Variants in LUZP2 observed in about 807,000 individuals in gnomAD.
The protein encoded by LUZP2 is leucine zipper protein 2.
A neutral mutation model predicts 51.6 loss-of-function variants in LUZP2; 52 were observed. The observed-to-expected ratio is 1.01, with a 90% CI of 0.81 to 1.27. LUZP2 has a LOEUF of 1.27. LUZP2 is among the 50% of genes most tolerant of loss of function. The pLI is 0.00. For synonymous variants in LUZP2, 154 were observed against 137.3 expected (o/e 1.12, Z -0.85); for missense variants, 436 against 395.4 (o/e 1.10, Z -0.87).
At chr11:24,704,229 G>C (rs1857501445) in intron 1 of LUZP2, among the ~76,000 whole-genome samples, 1 of 151,910 alleles carries the variant, frequency 6.6e-6, no homozygotes, top group Non-Finnish European at 1.5e-5. Flanking sequence ...AACATGAAAT[G>C]GTCATTTTTG....
intron 9 of LUZP2, among the ~76,000 whole-genome samples, chr11:25,004,753 G>T (rs527782530): frequency 6.6e-6 from 1 of 152,266 alleles, no homozygotes; most frequent in South Asian, 2.1e-4. Context: ...GTCAACAGAA[G>T]TTTACAACTC....
chr11:24,739,647 AAC>A (rs1859063362), intron 4 of LUZP2, among the ~76,000 whole-genome samples: 1 of 152,096 alleles, frequency 6.6e-6, no homozygotes, highest in East Asian at 1.9e-4. Flanking sequence ...AGGCTCTCTA[AAC>A]ACAGTCAGCC....
intron 4 of LUZP2, among the ~76,000 whole-genome samples, chr11:24,752,272 G>T (rs1394369075): frequency 6.6e-6 from 1 of 152,140 alleles, no homozygotes; most frequent in Admixed American, 6.6e-5. Flanking sequence ...GCAATAATCA[G>T]ATAGATATCA....
chr11:24,954,675 A>T (rs1855166956), intron 7 of LUZP2, among the ~76,000 whole-genome samples: 1 of 152,060 alleles, frequency 6.6e-6, no homozygotes, highest in Non-Finnish European at 1.5e-5. Context: ...GAAACCTGCC[A>T]ATACAGGAAA....
At chr11:24,809,680 T>A (rs1333305548) in intron 5 of LUZP2, among the ~76,000 whole-genome samples, 1 of 152,190 alleles carries the variant, frequency 6.6e-6, no homozygotes, top group Non-Finnish European at 1.5e-5. Context: ...AAAATGTTTT[T>A]AAATAACATT....
Position 24,624,190 on chromosome 11 carries a change from G to A in LUZP2, c.63-104979G>A, listed in dbSNP as rs545261603. On this transcript the variant is annotated intron_variant, in intron 1 of 11. Coordinates refer to ENST00000336930, the MANE Select transcript of LUZP2 (RefSeq NM_001009909.4). ...GTATAAGAAAAATACTAATCACAATGCCAGAATTTCAGACTTAATAACATG... is the reference window on the plus strand; with the variant it reads ...GTATAAGAAAAATACTAATCACAATACCAGAATTTCAGACTTAATAACATG... Among the ~76,000 whole-genome samples, 4 of 152,228 alleles carry A rather than the reference G, an allele frequency of 2.6e-5. No individual in the cohort carries two copies. In the South Asian group the frequency reaches 8.3e-4, roughly 32 times the overall value.
At chr11:25,028,961 A>C (rs2133986633) in intron 9 of LUZP2, among the ~76,000 whole-genome samples, 1 of 152,352 alleles carries the variant, frequency 6.6e-6, no homozygotes, top group Non-Finnish European at 1.5e-5. Context: ...AAGATCATTA[A>C]GTGAAATAAG....
At chr11:24,522,735 C>T (rs1264952073) in intron 1 of LUZP2, among the ~76,000 whole-genome samples, 2 of 151,916 alleles carry the variant, frequency 1.3e-5, no homozygotes, top group East Asian at 3.9e-4. Context: ...GTCTTTTTGA[C>T]AATAAGAAAC....
At chr11:24,950,475 G>A (rs11827642) in intron 7 of LUZP2, among the ~76,000 whole-genome samples, 1,682 of 151,628 alleles carry the variant, frequency 0.011, 32 homozygotes, top group African/African-American at 0.037. Context: ...ACAGCTCCAA[G>A]CCAGGTGAAA....
At chr11:24,526,444 C>T (rs1325297047) in intron 1 of LUZP2, among the ~76,000 whole-genome samples, 2 of 106,592 alleles carry the variant, frequency 1.9e-5, no homozygotes, top group East Asian at 2.9e-4. Context: ...CAATTTTAAT[C>T]CTACTCTCTA....
At chr11:24,687,886 A>G (rs1047389980) in intron 1 of LUZP2, among the ~76,000 whole-genome samples, 1 of 152,090 alleles carries the variant, frequency 6.6e-6, no homozygotes, top group African/African-American at 2.4e-5. Context: ...AGAAGAGCTT[A>G]CCCAAGCCTC....
At chr11:25,064,965 A>G (rs1230817120) in intron 10 of LUZP2, among the ~76,000 whole-genome samples, 3 of 152,070 alleles carry the variant, frequency 2.0e-5, no homozygotes, top group Non-Finnish European at 4.4e-5. Context: ...TTAAAACCAT[A>G]ATCATAACCA....
intron 9 of LUZP2, among the ~76,000 whole-genome samples, chr11:25,043,583 G>GAT (rs1292100530): frequency 5.3e-5 from 8 of 151,234 alleles, no homozygotes; most frequent in Non-Finnish European, 7.4e-5. Context: ...CAGGATATAT[G>GAT]ATATATATAT....
chr11:24,954,916 C>A (rs767506198), intron 7 of LUZP2, among the ~76,000 whole-genome samples: 1 of 151,848 alleles, frequency 6.6e-6, no homozygotes, highest in Non-Finnish European at 1.5e-5. Flanking sequence ...TGAGTAGGAA[C>A]GGACCAGAAA....
At chr11:24,571,217 G>A (rs574205222) in intron 1 of LUZP2, among the ~76,000 whole-genome samples, 5 of 152,176 alleles carry the variant, frequency 3.3e-5, no homozygotes, top group Non-Finnish European at 5.9e-5. Flanking sequence ...CTTGATCAAA[G>A]GAAAAATTGA....
chr11:24,721,165 G>A (rs1031720498), intron 1 of LUZP2, among the ~76,000 whole-genome samples: 6 of 152,158 alleles, frequency 3.9e-5, no homozygotes, highest in Non-Finnish European at 7.3e-5. Flanking sequence ...AATGACACAG[G>A]GATTTCTATT....
At chr11:24,813,587 T>A (rs1383901188) in intron 5 of LUZP2, among the ~76,000 whole-genome samples, 3 of 152,176 alleles carry the variant, frequency 2.0e-5, no homozygotes, top group African/African-American at 4.8e-5. Flanking sequence ...AGAGCTCACT[T>A]GTCAACAAGG....
intron 9 of LUZP2, among the ~76,000 whole-genome samples, chr11:24,990,070 TG>T (rs1410416329): frequency 6.6e-6 from 1 of 152,092 alleles, no homozygotes; most frequent in Non-Finnish European, 1.5e-5. Context: ...ATGGGGTCTA[TG>T]CCCCCTTTCT....
At chr11:24,845,867 C>T (rs1164931639) in intron 5 of LUZP2, among the ~76,000 whole-genome samples, 1 of 151,978 alleles carries the variant, frequency 6.6e-6, no homozygotes, top group Non-Finnish European at 1.5e-5. Context: ...CTTTTTCTTC[C>T]CAGTCTCAGG....
Sources: allele counts gnomAD v4.1 joint callset (sites outside exome capture counted in the v4.1 genomes callset), GRCh38; gene constraint gnomAD v4.1.1; transcripts MANE v1.5; gene names NCBI Gene and HGNC (gene_info 2026-07-23, HGNC 2026-07-21).